The following PCDHGA5 variants were observed in gnomAD, a reference collection of about 807,000 sequenced individuals.
The protein encoded by PCDHGA5 is protocadherin gamma-A5.
A neutral mutation model predicts 56.7 loss-of-function variants in PCDHGA5; 36 were observed. The ratio of observed to expected loss-of-function variants is 0.64; its 90% CI spans 0.49 to 0.84. The LOEUF (loss-of-function observed/expected upper bound fraction) is 0.84, where lower values mean the gene tolerates loss of function less well. PCDHGA5 is among the 40% of genes least tolerant of loss of function. The probability of loss-of-function intolerance (pLI) is 0.00; values close to 1 mark genes in which losing one functional copy is unlikely to be tolerated. For synonymous variants in PCDHGA5, 563 were observed against 520.2 expected (o/e 1.08, Z -1.12); for missense variants, 1,305 against 1,201.5 (o/e 1.09, Z -1.27).
chr5:141,488,170 T>C (rs554585709), intron 1 of PCDHGA5, among the ~76,000 whole-genome samples: 2 of 152,318 alleles, frequency 1.3e-5, no homozygotes, highest in African/African-American at 2.4e-5. Context: ...ATCAGAGTGG[T>C]GGCATAGATC....
At chr5:141,464,870 C>G (rs1488189681) in intron 1 of PCDHGA5, among the ~76,000 whole-genome samples, 1 of 152,126 alleles carries the variant, frequency 6.6e-6, no homozygotes, top group Non-Finnish European at 1.5e-5. Flanking sequence ...TCCCAAGTAG[C>G]TAGGACTACA....
rs754536860 is a variant in PCDHGA5, at chr5:141,432,221, A to G, written c.2422-62586A>G. The G allele has an allele frequency of 2.5e-6, 4 of 1,614,190 alleles. No homozygotes were observed. The South Asian group carries it at 4.4e-5, about 18-fold the overall frequency. ...CGACTGTGAAGAGAACGCCCAGATC[A>G]CTTATTCCCTGGCTGAGAACACCAT... On this transcript the variant is annotated intron_variant, in intron 1 of 3. Coordinates refer to ENST00000518069, the MANE Select transcript of PCDHGA5 (RefSeq NM_018918.3). The surrounding 1 kb of genome is among the most constrained non-coding windows in gnomAD (Gnocchi z 6.0).
chr5:141,441,993 G>T (rs577673608), intron 1 of PCDHGA5: 16 of 251,180 alleles, frequency 6.4e-5, no homozygotes, highest in East Asian at 3.9e-4. Flanking sequence ...CACCGACGAG[G>T]TGCTGACAGC....
chr5:141,399,853 C>G, intron 1 of PCDHGA5: 1 of 1,612,978 alleles, frequency 6.2e-7, no homozygotes, highest in Non-Finnish European at 8.5e-7. Flanking sequence ...TATGGTGCCG[C>G]GCGCTGCAGA....
At position 141,364,866 on chromosome 5, in the gene PCDHGA5, C is replaced by T. The variant is rs749361969; in HGVS notation, c.536C>T (p.Ser179Phe). Residue 179 changes from serine to phenylalanine, a missense_variant, in exon 1 of 4, where the codon TCT becomes TTT. Physicochemically the swap from Ser to Phe is radical, Grantham distance 155. Coordinates refer to ENST00000518069, the MANE Select transcript of PCDHGA5 (RefSeq NM_018918.3). ...SYQLSSNLHF[S>F]LDVVSGTDGQ... The stretch of plus-strand genomic sequence containing the variant: ...CAGCTCAGCTCCAATCTGCACTTCT[C>T]TCTGGATGTGGTAAGCGGAACTGAT... The T allele has an allele frequency of 6.2e-7, 1 of 1,614,016 alleles. No homozygotes were observed. Among genetic ancestry groups the T allele is most frequent in the Non-Finnish European group, 8.5e-7 (1 of 1,179,896 alleles).
intron 1 of PCDHGA5, chr5:141,375,350 A>C (rs1442876922): frequency 1.2e-6 from 2 of 1,613,744 alleles, no homozygotes; most frequent in African/African-American, 1.3e-5. Context: ...CATCACTGTG[A>C]CAGCCACGGA....
chr5:141,478,420 C>A, intron 1 of PCDHGA5: 1 of 1,613,676 alleles, frequency 6.2e-7, no homozygotes, highest in Non-Finnish European at 8.5e-7. Context: ...ACTCCCGCCG[C>A]AGCGACCCGC....
chr5:141,491,152 G>A lies in PCDHGA5; in HGVS notation c.2422-3655G>A. 1 of 1,614,168 alleles carries A rather than the reference G, an allele frequency of 6.2e-7. No homozygotes were observed. The highest frequency in any genetic ancestry group is 8.5e-7 in the Non-Finnish European group (1 of 1,179,990). On this transcript the variant is annotated intron_variant, in intron 1 of 3. Transcript: ENST00000518069. The surrounding 1 kb of genome is among the most constrained non-coding windows in gnomAD (Gnocchi z 6.9). ...CACAGCCCGGGCCTTACTGGAGGAT[G>A]ACTCTGACACCCAGCAGGTGGTGGT...
chr5:141,365,450 G>A lies in PCDHGA5; in HGVS notation c.1120G>A (p.Gly374Ser). ...TVIALFSVHD[G>S]DSGENGEIAC... is the part of the protein sequence containing the mutation. ...AATCGCGCTGTTTAGCGTACATGATGGTGATTCTGGAGAAAATGGTGAGAT... is the reference window on the plus strand; with the variant it reads ...AATCGCGCTGTTTAGCGTACATGATAGTGATTCTGGAGAAAATGGTGAGAT... Residue 374 changes from glycine to serine, a missense_variant, in exon 1 of 4, where the codon GGT becomes AGT. Transcript: ENST00000518069. 1 of 1,614,010 alleles carries A rather than the reference G, an allele frequency of 6.2e-7. No homozygotes were observed. Among genetic ancestry groups the A allele is most frequent in the Non-Finnish European group, 8.5e-7 (1 of 1,179,888 alleles).
Position 141,486,572 on chromosome 5 carries a change from A to G in PCDHGA5, c.2422-8235A>G. 1 of 1,613,876 alleles carries G rather than the reference A, an allele frequency of 6.2e-7. No individual in the cohort carries two copies. Among genetic ancestry groups the G allele is most frequent in the Non-Finnish European group, 8.5e-7 (1 of 1,180,002 alleles). ...GTCACATGAGGTGTTTGTTCCTGAG[A>G]ACAATCGCCCAGGGGACCTGCTTTG... is the stretch of plus-strand genomic sequence containing the variant. On this transcript the variant is annotated intron_variant, in intron 1 of 3. Coordinates refer to ENST00000518069, the MANE Select transcript of PCDHGA5 (RefSeq NM_018918.3). This position sits in a 1 kb window ranked among gnomAD's most constrained non-coding sequence, Gnocchi z 5.0.
intron 1 of PCDHGA5, chr5:141,441,396 C>T (rs2098244328): frequency 6.5e-6 from 1 of 154,724 alleles, no homozygotes; most frequent in Admixed American, 6.5e-5. Flanking sequence ...GGTATAACAT[C>T]AGCATCACTG....
chr5:141,409,572 A>G (rs1440637025), intron 1 of PCDHGA5: 2 of 1,613,920 alleles, frequency 1.2e-6, no homozygotes, highest in South Asian at 1.1e-5. Context: ...CAGACGTCCT[A>G]CGTGGTCCAC....
chr5:141,428,063 C>T lies in PCDHGA5; in HGVS notation c.2421+61312C>T, dbSNP rs777477669. 12 of 1,609,054 alleles carry T rather than the reference C, an allele frequency of 7.5e-6. No individual in the cohort carries two copies. In the African/African-American group the frequency reaches 1.3e-4, roughly 18 times the overall value. ...TGGTGACCAAGGTGGTGGCGGTGGA[C>T]GCAGATTCGGGACACAACGCTTGGC... On this transcript the variant is annotated intron_variant, in intron 1 of 3. Coordinates refer to ENST00000518069, the MANE Select transcript of PCDHGA5 (RefSeq NM_018918.3).
chr5:141,415,765 T>G (rs1386091482), intron 1 of PCDHGA5: 1 of 1,364,078 alleles, frequency 7.3e-7, no homozygotes, highest in South Asian at 1.7e-5. Flanking sequence ...TTTTTTTTTT[T>G]TTTTTTTACT....
intron 1 of PCDHGA5, chr5:141,373,906 A>T: frequency 1.7e-6 from 1 of 604,222 alleles, no homozygotes; most frequent in South Asian, 4.3e-5. Context: ...ACATCCTCCA[A>T]CAACAAAGCA....
At chr5:141,395,276 A>G in intron 1 of PCDHGA5, 1 of 1,543,522 alleles carries the variant, frequency 6.5e-7, no homozygotes. Flanking sequence ...TTTCCAGATG[A>G]ATTTTATTTG....
rs773340535 is a variant in PCDHGA5, at chr5:141,388,285, C to G, written c.2421+21534C>G. Reference sequence around the variant, plus strand: ...ATTAATGACCACACGCCAAAATTCACGCAAAATTCCTTTGAGCTGCAAATA... The same window carrying G: ...ATTAATGACCACACGCCAAAATTCAGGCAAAATTCCTTTGAGCTGCAAATA... On this transcript the variant is annotated intron_variant, in intron 1 of 3. Transcript: ENST00000518069. 3 of 1,613,318 alleles carry G rather than the reference C, an allele frequency of 1.9e-6. No homozygotes were observed. The Admixed American group carries it at 5.0e-5, about 27-fold the overall frequency.
At chr5:141,423,790 T>C (rs1561813105) in intron 1 of PCDHGA5, 2 of 1,261,874 alleles carry the variant, frequency 1.6e-6, no homozygotes, top group Non-Finnish European at 1.0e-6. Context: ...TTCATATATA[T>C]TTAGAGCAAT....
At chr5:141,388,497 C>T (rs2091382933) in intron 1 of PCDHGA5, 34 of 1,613,702 alleles carry the variant, frequency 2.1e-5, no homozygotes, top group Middle Eastern at 1.6e-4. Flanking sequence ...CAGAGAAAAG[C>T]AGAAATCCTA....
Sources: allele counts gnomAD v4.1 joint callset (sites outside exome capture counted in the v4.1 genomes callset), GRCh38; gene constraint gnomAD v4.1.1; non-coding constraint Gnocchi (gnomAD v3.1); transcripts MANE v1.5; gene names NCBI Gene and HGNC (gene_info 2026-07-23, HGNC 2026-07-21).